The following NLRP5 variants were observed in gnomAD, a reference collection of about 807,000 sequenced individuals.
NLRP5 encodes NLR family pyrin domain containing 5.
Under a neutral mutation model 113.1 loss-of-function variants are expected in NLRP5, and 93 were observed. The observed-to-expected ratio is 0.82, with a 90% CI of 0.70 to 0.98. The LOEUF (loss-of-function observed/expected upper bound fraction) is 0.98, where lower values mean the gene tolerates loss of function less well. NLRP5 is among the 50% of genes least tolerant of loss of function. The pLI, the probability that NLRP5 is intolerant of heterozygous loss-of-function variation, is 0.00. For missense variants in NLRP5, 1,808 were observed against 1,514.3 expected, an observed-to-expected ratio of 1.19 and a Z score of -3.22; for synonymous variants, 751 against 600.7, an observed-to-expected ratio of 1.25 and a Z score of -3.66.
upstream of NLRP5, among the ~76,000 whole-genome samples, chr19:55,997,053 T>C (rs536882535): frequency 2.6e-5 from 4 of 152,306 alleles, no homozygotes; most frequent in South Asian, 8.3e-4. Context: ...TGGTATCTCA[T>C]TGTGGTTTTG....
chr19:56,026,636 T>C (rs954515482), intron 6 of NLRP5, among the ~76,000 whole-genome samples: 8 of 149,688 alleles, frequency 5.3e-5, no homozygotes, highest in African/African-American at 1.7e-4. Context: ...TGGAGTGCAG[T>C]GGTGTAATCT....
rs1337108282 is a variant in NLRP5 at position 56,004,723 on chromosome 19, C to T, written c.442+628C>T. Among the ~76,000 whole-genome samples the T allele has an allele frequency of 2.0e-5, 3 of 152,006 alleles. No homozygotes were observed. The East Asian group carries it at 5.8e-4, about 29-fold the overall frequency. The stretch of plus-strand genomic sequence containing the variant: ...AAAGGTCATTTAGAAAATAGCAGTT[C>T]TTTTTTATCTAGAGAATCTCTCCAA... On this transcript the variant is annotated intron_variant, in intron 2 of 14. Coordinates refer to ENST00000390649, the MANE Select transcript of NLRP5 (RefSeq NM_153447.4).
At chr19:56,019,429 C>T (rs1289708693) in intron 5 of NLRP5, 31 bp downstream of exon 5, 1 of 1,605,216 alleles carries the variant, frequency 6.2e-7, no homozygotes, top group South Asian at 1.1e-5. Flanking sequence ...CCTTGGTTGC[C>T]CTCCTGGAAG....
intron 11 of NLRP5, among the ~76,000 whole-genome samples, chr19:56,041,872 C>G (rs1430615352): frequency 1.3e-5 from 2 of 152,166 alleles, no homozygotes; most frequent in Non-Finnish European, 2.9e-5. Context: ...CCACTTGAAC[C>G]TGCGAGGTGG....
At chr19:56,049,283 G>A (rs867954104) in intron 11 of NLRP5, among the ~76,000 whole-genome samples, 9 of 151,852 alleles carry the variant, frequency 5.9e-5, no homozygotes, top group Admixed American at 3.9e-4. Flanking sequence ...GGGTTCAAGC[G>A]ATTCTACTGC....
intron 11 of NLRP5, among the ~76,000 whole-genome samples, chr19:56,044,276 C>T (rs955441272): frequency 6.6e-6 from 1 of 151,600 alleles, no homozygotes; most frequent in African/African-American, 2.4e-5. Context: ...GTTAGCCAGG[C>T]TGGTCTCGAA....
chr19:56,036,432 G>A lies in NLRP5; in HGVS notation c.2616-1593G>A, dbSNP rs115290956. On this transcript the variant is annotated intron_variant, in intron 9 of 14. Coordinates refer to ENST00000390649, the MANE Select transcript of NLRP5 (RefSeq NM_153447.4). ...GTGTAGTAGTATGACATGTTCCTGGGACATGCTGATAAATGAAACGAGATT... is the reference window on the plus strand; with the variant it reads ...GTGTAGTAGTATGACATGTTCCTGGAACATGCTGATAAATGAAACGAGATT... 5.0e-3 allele frequency among the ~76,000 whole-genome samples: 759 copies of A among 152,132 alleles called. 6 individuals carry two copies. Among genetic ancestry groups the A allele is most frequent in the African/African-American group, 0.017 (703 of 41,450 alleles).
At chr19:56,055,333 C>T (rs929698903) in intron 13 of NLRP5, among the ~76,000 whole-genome samples, 1 of 151,706 alleles carries the variant, frequency 6.6e-6, no homozygotes, top group East Asian at 1.9e-4. Context: ...GTTCTTCAAG[C>T]TCATCACACC....
intron 13 of NLRP5, among the ~76,000 whole-genome samples, chr19:56,054,758 A>AG (rs896043454): frequency 6.6e-6 from 1 of 151,976 alleles, no homozygotes; most frequent in Admixed American, 6.6e-5. Context: ...GGGAAGTAGA[A>AG]GGGGGGCAGC....
At chr19:56,009,201 G>T (rs893340883) in intron 3 of NLRP5, among the ~76,000 whole-genome samples, 4 of 151,754 alleles carry the variant, frequency 2.6e-5, no homozygotes, top group African/African-American at 7.3e-5. Flanking sequence ...ATAGCCAGAC[G>T]TGGTGGTGGG....
the NLRP5 span, among the ~76,000 whole-genome samples, chr19:55,992,823 A>G: frequency 6.7e-6 from 1 of 150,082 alleles, no homozygotes; most frequent in Non-Finnish European, 1.5e-5. Context: ...CCTTTATTTT[A>G]GTTGACACAT....
intron 1 of NLRP5, among the ~76,000 whole-genome samples, chr19:56,002,148 C>T (rs1011472856): frequency 1.3e-5 from 2 of 152,154 alleles, no homozygotes; most frequent in African/African-American, 4.8e-5. Flanking sequence ...AGAATTGGTC[C>T]TGATGGTGAT....
At chr19:56,023,737 G>C (rs1486283102) in intron 6 of NLRP5, among the ~76,000 whole-genome samples, 1 of 152,182 alleles carries the variant, frequency 6.6e-6, no homozygotes, top group African/African-American at 2.4e-5. Flanking sequence ...TTATATCAGG[G>C]ACTTGAGTAT....
chr19:56,059,658 C>G (rs1011536779), intron 14 of NLRP5, among the ~76,000 whole-genome samples: 1 of 152,174 alleles, frequency 6.6e-6, no homozygotes. Context: ...CCTCAGCCTC[C>G]TGAGTGGCTG....
chr19:55,987,243 G>T, the NLRP5 span, among the ~76,000 whole-genome samples: 1 of 152,324 alleles, frequency 6.6e-6, no homozygotes, highest in Non-Finnish European at 1.5e-5. Flanking sequence ...GGTGGCATGT[G>T]CCTATAATCC....
chr19:56,038,258 A>ATTATCGTAAC, intron 10 of NLRP5, 63 bp downstream of exon 10: 2 of 1,522,996 alleles, frequency 1.3e-6, no homozygotes, highest in Admixed American at 1.7e-5. Flanking sequence ...CGTAACTTCG[A>ATTATCGTAAC]TTCTCCAGGT....
Position 56,004,059 on chromosome 19 carries a change from C to A in NLRP5, c.406C>A (p.Arg136=), listed in dbSNP as rs1419853541. Residue 136 remains arginine (R), a synonymous_variant, in exon 2 of 15, where the codon CGA becomes AGA. Transcript: ENST00000390649. ...TAGCATCTTTGAAAACATGAACCTG[C>A]GAACCCTCTCGGAGAAGGCACGGGA... The A allele has an allele frequency of 2.2e-5, 35 of 1,612,364 alleles. No homozygotes were observed. Among genetic ancestry groups the A allele is most frequent in the Non-Finnish European group, 2.9e-5 (34 of 1,179,126 alleles).
intron 9 of NLRP5, among the ~76,000 whole-genome samples, chr19:56,033,945 G>A (rs1236725112): frequency 1.3e-5 from 2 of 152,280 alleles, no homozygotes; most frequent in East Asian, 3.9e-4. Context: ...ATTAAAAATT[G>A]TTCATGCAGA....
chr19:55,995,927 G>A (rs552327194), upstream of NLRP5, among the ~76,000 whole-genome samples: 3 of 151,928 alleles, frequency 2.0e-5, no homozygotes, highest in Non-Finnish European at 4.4e-5. Context: ...ATCATACTGA[G>A]TTCATTTATT....
Sources: allele counts gnomAD v4.1 joint callset (sites outside exome capture counted in the v4.1 genomes callset), GRCh38; gene constraint gnomAD v4.1.1; transcripts MANE v1.5; gene names NCBI Gene and HGNC (gene_info 2026-07-23, HGNC 2026-07-21).